The following MAST4 variants were observed in gnomAD, a reference collection of about 807,000 sequenced individuals.
MAST4 encodes microtubule associated serine/threonine kinase family member 4.
In MAST4, 89 loss-of-function variants were observed where a neutral mutation model predicts 162.7. The observed-to-expected ratio is 0.55, with a 90% CI of 0.46 to 0.65. The LOEUF (loss-of-function observed/expected upper bound fraction) is 0.65, where lower values mean the gene tolerates loss of function less well. Among genes scored for constraint, MAST4 ranks in the 30% least tolerant of loss-of-function variants. The pLI is 0.00. For synonymous variants in MAST4, 1,479 were observed against 1,361.1 expected (o/e 1.09, Z -1.91); for missense variants, 3,153 against 3,374.0 (o/e 0.93, Z 1.62).
intron 3 of MAST4, among the ~76,000 whole-genome samples, chr5:66,836,171 GA>G (rs36104981): frequency 0.53 from 77,791 of 147,904 alleles, 20,494 homozygotes; most frequent in African/African-American, 0.57. Context: ...ACCCTGTCTG[GA>G]AAAAAAAAAA....
At chr5:66,816,172 G>T (rs1398969837) in intron 3 of MAST4, among the ~76,000 whole-genome samples, 4 of 152,100 alleles carry the variant, frequency 2.6e-5, no homozygotes, top group Non-Finnish European at 1.5e-5. Context: ...TTTGAATGCA[G>T]CCTAACACAA....
At chr5:67,084,130 TA>T (rs1283003273) in intron 5 of MAST4, among the ~76,000 whole-genome samples, 2 of 152,214 alleles carry the variant, frequency 1.3e-5, no homozygotes, top group Admixed American at 1.3e-4. Context: ...GTGCAAGTCT[TA>T]TGACAAGAAA....
chr5:66,640,932 T>G (rs944784725), intron 1 of MAST4, among the ~76,000 whole-genome samples: 1 of 152,220 alleles, frequency 6.6e-6, no homozygotes, highest in South Asian at 2.1e-4. Context: ...TAAGATGATA[T>G]CTCATTGTGG....
intron 4 of MAST4, among the ~76,000 whole-genome samples, chr5:66,960,049 A>G (rs1745822106): frequency 6.6e-6 from 1 of 152,146 alleles, no homozygotes; most frequent in South Asian, 2.1e-4. Context: ...TGTCACACTT[A>G]AAATAATAAA....
intron 17 of MAST4, 76 bp downstream of exon 17, chr5:67,133,722 G>A (rs1769271642): frequency 1.3e-6 from 2 of 1,507,226 alleles, no homozygotes; most frequent in African/African-American, 2.7e-5. Context: ...ATCAACTTGT[G>A]TGGGCCATCT....
intron 4 of MAST4, among the ~76,000 whole-genome samples, chr5:67,045,570 C>T (rs191530381): frequency 3.5e-4 from 54 of 152,296 alleles, no homozygotes; most frequent in Admixed American, 1.7e-3. Context: ...GGTGGTCCCA[C>T]ATGATTGTAA....
intron 4 of MAST4, among the ~76,000 whole-genome samples, chr5:67,018,966 C>T (rs1753650896): frequency 6.6e-6 from 1 of 152,112 alleles, no homozygotes; most frequent in Non-Finnish European, 1.5e-5. Flanking sequence ...TCAGACATAA[C>T]CACTATTACA....
At chr5:66,691,827 G>GC (rs1444361691) in intron 1 of MAST4, among the ~76,000 whole-genome samples, 2 of 152,050 alleles carry the variant, frequency 1.3e-5, no homozygotes, top group African/African-American at 4.8e-5. Flanking sequence ...ATGAATTTTG[G>GC]CGGAACACAG....
At chr5:66,734,024 A>G (rs1375530955) in intron 1 of MAST4, among the ~76,000 whole-genome samples, 1 of 152,228 alleles carries the variant, frequency 6.6e-6, no homozygotes, top group Non-Finnish European at 1.5e-5. Context: ...AATAGGCTGT[A>G]CATATCCCTG....
At chr5:66,938,919 G>T (rs186176486) in intron 4 of MAST4, among the ~76,000 whole-genome samples, 1 of 152,116 alleles carries the variant, frequency 6.6e-6, no homozygotes, top group East Asian at 1.9e-4. Flanking sequence ...TAAAGGTTGG[G>T]GAACACTGAT....
chr5:66,613,283 G>A (rs1236213889), intron 1 of MAST4, among the ~76,000 whole-genome samples: 4 of 151,366 alleles, frequency 2.6e-5, no homozygotes, highest in Non-Finnish European at 5.9e-5. Context: ...GCCAGACTTT[G>A]GGAAGAAAGT....
At chr5:66,987,451 T>C (rs1185773368) in intron 4 of MAST4, among the ~76,000 whole-genome samples, 3 of 152,062 alleles carry the variant, frequency 2.0e-5, no homozygotes, top group Non-Finnish European at 4.4e-5. Flanking sequence ...GTAATTTTTT[T>C]CTACTTTTTT....
At chr5:67,146,318 C>G (rs1771075609) in intron 23 of MAST4, among the ~76,000 whole-genome samples, 1 of 152,158 alleles carries the variant, frequency 6.6e-6, no homozygotes, top group Admixed American at 6.5e-5. Context: ...ATGGAGGTAT[C>G]CTCACTAGAT....
At chr5:67,022,071 T>C (rs1754055282) in intron 4 of MAST4, among the ~76,000 whole-genome samples, 1 of 152,208 alleles carries the variant, frequency 6.6e-6, no homozygotes, top group African/African-American at 2.4e-5. Context: ...TATATACTTA[T>C]CTGAATTCCA....
chr5:66,828,705 C>T, intron 3 of MAST4: 1 of 1,306,100 alleles, frequency 7.7e-7, no homozygotes, highest in Non-Finnish European at 1.1e-6. Context: ...TAAGCTGGAC[C>T]AGCTGACTCC....
At chr5:67,042,245 C>G (rs1418019717) in intron 4 of MAST4, among the ~76,000 whole-genome samples, 1 of 152,108 alleles carries the variant, frequency 6.6e-6, no homozygotes, top group African/African-American at 2.4e-5. Context: ...GCTACGTTGG[C>G]AAGTCACTTC....
intron 4 of MAST4, among the ~76,000 whole-genome samples, chr5:66,970,977 C>A (rs759758255): frequency 6.6e-6 from 1 of 152,212 alleles, no homozygotes. Flanking sequence ...GTTTGACCAA[C>A]AGATTATGCC....
At chr5:67,140,103 C>G (rs537043027) in intron 19 of MAST4, among the ~76,000 whole-genome samples, 1 of 152,278 alleles carries the variant, frequency 6.6e-6, no homozygotes, top group African/African-American at 2.4e-5. Context: ...TCGAGCAACC[C>G]AAAATGTGAG....
chr5:66,599,918 G>GGT (rs58314259), intron 1 of MAST4, among the ~76,000 whole-genome samples: 3,855 of 150,008 alleles, frequency 0.026, 92 homozygotes, highest in African/African-American at 0.064. Flanking sequence ...TTTCTAAAGG[G>GGT]GTGTGTGTGT....
Sources: allele counts gnomAD v4.1 joint callset (sites outside exome capture counted in the v4.1 genomes callset), GRCh38; gene constraint gnomAD v4.1.1; transcripts MANE v1.5; gene names NCBI Gene and HGNC (gene_info 2026-07-23, HGNC 2026-07-21).